Variants in XXYLT1 observed in about 807,000 individuals in gnomAD.
The protein encoded by XXYLT1 is xyloside xylosyltransferase 1.
XXYLT1 carries 20 observed loss-of-function variants against 28.9 expected under a neutral mutation model. That is an observed-to-expected ratio of 0.69 (90% CI 0.49 to 1.00). XXYLT1 has a LOEUF of 1.00. Ranked by LOEUF, XXYLT1 falls within the 50% of genes least tolerant of loss-of-function variation. The pLI is 0.00. For synonymous variants in XXYLT1, 257 were observed against 253.8 expected, an observed-to-expected ratio of 1.01 and a Z score of -0.12; for missense variants, 542 against 560.1, an observed-to-expected ratio of 0.97 and a Z score of 0.33.
At chr3:195,106,665 G>A (rs55798111) in intron 3 of XXYLT1, among the ~76,000 whole-genome samples, 4,894 of 152,340 alleles carry the variant, frequency 0.032, 223 homozygotes, top group African/African-American at 0.11. Flanking sequence ...GGGGCCTGGG[G>A]CGCCCCCAGC....
intron 1 of XXYLT1, among the ~76,000 whole-genome samples, chr3:195,237,688 T>G (rs896093449): frequency 7.2e-5 from 11 of 152,140 alleles, no homozygotes; most frequent in African/African-American, 2.7e-4. Context: ...CCTCATTCCC[T>G]AAAACTTGTT....
chr3:195,093,813 G>C (rs1577017304), intron 3 of XXYLT1: 1 of 152,304 alleles, frequency 6.6e-6, no homozygotes, highest in East Asian at 1.9e-4. Context: ...CTTTCTTCTG[G>C]AATTATCTGG....
chr3:195,092,773 C>T (rs1209086530), intron 3 of XXYLT1, among the ~76,000 whole-genome samples: 52 of 111,004 alleles, frequency 4.7e-4, no homozygotes, highest in African/African-American at 2.2e-3. Flanking sequence ...TTTTCGCAAC[C>T]AACTCATCCG....
At chr3:195,113,849 A>G (rs1323067898) in intron 3 of XXYLT1, among the ~76,000 whole-genome samples, 2 of 152,192 alleles carry the variant, frequency 1.3e-5, no homozygotes. Context: ...GGTGCTCCTG[A>G]GGCCGGCGGG....
At chr3:195,206,462 G>A (rs768190750) in intron 2 of XXYLT1, among the ~76,000 whole-genome samples, 8 of 151,376 alleles carry the variant, frequency 5.3e-5, no homozygotes, top group Non-Finnish European at 1.0e-4. Context: ...TAAAAATAGC[G>A]CATTTAATAC....
chr3:195,139,057 G>A (rs1719347582), intron 3 of XXYLT1, among the ~76,000 whole-genome samples: 1 of 150,370 alleles, frequency 6.7e-6, no homozygotes, highest in African/African-American at 2.5e-5. Context: ...GAGAGGAGAG[G>A]TGGGTGCAGG....
intron 2 of XXYLT1, chr3:195,207,614 C>T (rs970097396): frequency 3.0e-6 from 1 of 331,902 alleles, no homozygotes. Context: ...GTGCTGAGAT[C>T]CCCTTGTATC....
intron 3 of XXYLT1, among the ~76,000 whole-genome samples, chr3:195,110,561 ATGTATGT>A (rs1560101310): frequency 1.4e-3 from 64 of 45,410 alleles, no homozygotes; most frequent in Admixed American, 3.1e-3. Context: ...TGTGTGGTGT[ATGTATGT>A]GGTGTGTTGT....
chr3:195,130,443 T>C (rs889103176), intron 3 of XXYLT1, among the ~76,000 whole-genome samples: 1 of 152,254 alleles, frequency 6.6e-6, no homozygotes, highest in Non-Finnish European at 1.5e-5. Flanking sequence ...TTATAACCTT[T>C]AGCTGTGGAG....
intron 1 of XXYLT1, among the ~76,000 whole-genome samples, chr3:195,246,539 T>A (rs1263983462): frequency 6.6e-6 from 1 of 152,144 alleles, no homozygotes; most frequent in Non-Finnish European, 1.5e-5. Flanking sequence ...ACCAGCAGGA[T>A]GGAGCCATGT....
intron 3 of XXYLT1, among the ~76,000 whole-genome samples, chr3:195,117,142 C>T (rs1475811927): frequency 6.7e-6 from 1 of 148,296 alleles, no homozygotes; most frequent in Non-Finnish European, 1.5e-5. Flanking sequence ...CACACACACA[C>T]ATCCCCTTCA....
intron 3 of XXYLT1, among the ~76,000 whole-genome samples, chr3:195,149,369 G>A (rs1720057981): frequency 1.3e-5 from 2 of 152,148 alleles, no homozygotes; most frequent in African/African-American, 4.8e-5. Context: ...GGGCATAGTC[G>A]GCTTGAAAAT....
At chr3:195,172,420 G>A (rs58105998) in intron 2 of XXYLT1, among the ~76,000 whole-genome samples, 6,227 of 152,270 alleles carry the variant, frequency 0.041, 429 homozygotes, top group African/African-American at 0.14. Flanking sequence ...GTACCAAGCC[G>A]GAACCTCTGA....
chr3:195,191,861 T>C (rs371757789), intron 2 of XXYLT1, among the ~76,000 whole-genome samples: 2 of 152,122 alleles, frequency 1.3e-5, no homozygotes, highest in African/African-American at 4.8e-5. Context: ...CCCAAATCCA[T>C]AAAGCAACAA....
chr3:195,078,250 A>T lies in XXYLT1; in HGVS notation c.786-8139T>A, dbSNP rs1262657727. On this transcript the variant is annotated intron_variant, in intron 3 of 3. Coordinates refer to ENST00000310380, the MANE Select transcript of XXYLT1 (RefSeq NM_152531.5). This position sits in a 1 kb window ranked among gnomAD's most constrained non-coding sequence, Gnocchi z 5.0. ...AAGCAGAGAGCACCAAGCAGGTGGTACGGAATTCTGGAGAGTTCTGACATT... is the reference window on the plus strand; with the variant it reads ...AAGCAGAGAGCACCAAGCAGGTGGTTCGGAATTCTGGAGAGTTCTGACATT... Among the ~76,000 whole-genome samples the T allele has an allele frequency of 1.3e-5, 2 of 152,054 alleles. No homozygotes were observed. The highest frequency in any genetic ancestry group is 2.9e-5 in the Non-Finnish European group (2 of 68,010).
chr3:195,254,677 G>A (rs1039328468), intron 1 of XXYLT1, among the ~76,000 whole-genome samples: 1 of 152,218 alleles, frequency 6.6e-6, no homozygotes, highest in Admixed American at 6.5e-5. Flanking sequence ...GGACCATGAG[G>A]TGGCATGCTA....
rs140157095 is a variant in XXYLT1, at chr3:195,112,763, GCACA to G, written c.786-42656_786-42653del. ...GGAACAGCTGAAGCAGTGCGCGCAT[GCACA>G]CACACACACCCATGCACACACGCAG... On this transcript the variant is annotated intron_variant, in intron 3 of 3. Coordinates refer to ENST00000310380, the MANE Select transcript of XXYLT1 (RefSeq NM_152531.5). Among the ~76,000 whole-genome samples, 179 of 146,736 alleles carry G rather than the reference GCACA, an allele frequency of 1.2e-3. 2 individuals are homozygous for G. Among genetic ancestry groups the G allele is most frequent in the African/African-American group, 4.3e-3 (170 of 39,306 alleles).
At chr3:195,247,813 C>A (rs775025585) in intron 1 of XXYLT1, 1 of 702,742 alleles carries the variant, frequency 1.4e-6, no homozygotes, top group East Asian at 2.7e-5. Context: ...CACACAATCA[C>A]GGCGGAAGGG....
intron 3 of XXYLT1, chr3:195,122,198 C>T: frequency 1.4e-6 from 1 of 702,778 alleles, no homozygotes; most frequent in South Asian, 1.5e-5. Flanking sequence ...TTCATGATGA[C>T]CTAATCACTC....
Sources: allele counts gnomAD v4.1 joint callset (sites outside exome capture counted in the v4.1 genomes callset), GRCh38; gene constraint gnomAD v4.1.1; non-coding constraint Gnocchi (gnomAD v3.1); transcripts MANE v1.5; gene names NCBI Gene and HGNC (gene_info 2026-07-23, HGNC 2026-07-21).